The following GABPA variants were observed in gnomAD, a reference collection of about 807,000 sequenced individuals.
GABPA encodes GA binding protein transcription factor subunit alpha, also known as GA-binding protein alpha chain.
Under a neutral mutation model 59.4 loss-of-function variants are expected in GABPA, and 4 were observed. That is an observed-to-expected ratio of 0.07 (90% CI 0.03 to 0.15). The LOEUF is 0.15. Among genes scored for constraint, GABPA ranks in the 10% least tolerant of loss-of-function variants. GABPA has a pLI of 1.00. For synonymous variants in GABPA, 164 were observed against 183.1 expected (o/e 0.90, Z 0.84); for missense variants, 251 against 543.8 (o/e 0.46, Z 5.36).
chr21:25,752,361 C>A, intron 5 of GABPA, 127 bp downstream of exon 5: 1 of 998,862 alleles, frequency 1.0e-6, no homozygotes, highest in Non-Finnish European at 1.5e-6. Context: ...TTTTCTGTAT[C>A]TCTCTTTTAA....
intron 1 of GABPA, among the ~76,000 whole-genome samples, chr21:25,737,568 C>G (rs1173446066): frequency 6.6e-6 from 1 of 151,912 alleles, no homozygotes; most frequent in Non-Finnish European, 1.5e-5. Context: ...TTTGAAAGAT[C>G]ATAGGATAAA....
Position 25,736,203 on chromosome 21 carries a change from C to T in GABPA, c.-27+625C>T, listed in dbSNP as rs546909705. ...TGTGCGTGTTTGGATTTAGGGACCC[C>T]AGTTTGATCAGGTTAGCGGACCGAG... On this transcript the variant is annotated intron_variant, in intron 1 of 9. Transcript: ENST00000400075. Among the ~76,000 whole-genome samples the T allele has an allele frequency of 4.3e-4, 65 of 152,220 alleles. No individual in the cohort carries two copies. In the South Asian group the frequency reaches 9.8e-3, roughly 23 times the overall value.
At position 25,741,626 on chromosome 21, in the gene GABPA, A is replaced by G; in HGVS notation, c.28A>G (p.Ile10Val). 6.2e-7 allele frequency: 1 copy of G among 1,612,798 alleles called. No homozygotes were observed. Reference sequence around the variant, plus strand: ...GACTAAAAGAGAAGCAGAGGAGCTGATAGAAATTGAGATTGATGGAACAGA... The same window carrying G: ...GACTAAAAGAGAAGCAGAGGAGCTGGTAGAAATTGAGATTGATGGAACAGA... MTKREAEEL[I>V]EIEIDGTEKA... is the part of the protein sequence containing the mutation. Residue 10 changes from isoleucine (I) to valine (V), a missense_variant, in exon 2 of 10, where the codon ATA becomes GTA. Ile to Val is a conservative substitution (Grantham distance 29, BLOSUM62 3). Around this residue, in one of 4 missense-constraint regions of GABPA, gnomAD observed 207 missense variants for 366.7 expected, o/e 0.56. Transcript: ENST00000400075.
intron 6 of GABPA, among the ~76,000 whole-genome samples, chr21:25,759,430 G>T (rs1454690553): frequency 6.6e-6 from 1 of 152,120 alleles, no homozygotes; most frequent in Admixed American, 6.5e-5. Flanking sequence ...CTCTGGCCAG[G>T]TGCAGTGGCT....
intron 2 of GABPA, among the ~76,000 whole-genome samples, chr21:25,743,168 G>A (rs116359446): frequency 1.5e-3 from 226 of 152,274 alleles, no homozygotes; most frequent in African/African-American, 5.3e-3. Context: ...CTCTAGGGCT[G>A]CTCATGGGAT....
At chr21:25,753,971 T>A (rs567485883) in intron 5 of GABPA, among the ~76,000 whole-genome samples, 52 of 152,154 alleles carry the variant, frequency 3.4e-4, no homozygotes, top group Non-Finnish European at 5.9e-4. Context: ...TGAGAGAGCT[T>A]ACCCATGGAA....
At chr21:25,758,355 C>A in intron 6 of GABPA, 151 bp downstream of exon 6, 1 of 550,220 alleles carries the variant, frequency 1.8e-6, no homozygotes, top group Non-Finnish European at 3.1e-6. Context: ...ATGCTGAAAG[C>A]TCTATATGTT....
At chr21:25,762,508 A>C (rs2035789125) in intron 7 of GABPA, 143 bp downstream of exon 7, 2 of 567,956 alleles carry the variant, frequency 3.5e-6, no homozygotes, top group Non-Finnish European at 6.2e-6. Flanking sequence ...AAAGCTCGAC[A>C]CAAGTACTTT....
chr21:25,744,986 A>G (rs1217353023), intron 2 of GABPA, among the ~76,000 whole-genome samples: 1 of 152,210 alleles, frequency 6.6e-6, no homozygotes, highest in Non-Finnish European at 1.5e-5. Context: ...AATGAGGCAT[A>G]TTTACAAGGA....
intron 1 of GABPA, among the ~76,000 whole-genome samples, chr21:25,739,918 C>T (rs1441047182): frequency 6.6e-6 from 1 of 152,168 alleles, no homozygotes; most frequent in Non-Finnish European, 1.5e-5. Flanking sequence ...GTATCTGGCC[C>T]TAGCTGCGTT....
chr21:25,735,047 C>T lies in GABPA; in HGVS notation c.-558C>T. The T allele has an allele frequency of 7.4e-7, 1 of 1,347,650 alleles. No homozygotes were observed. The highest frequency in any genetic ancestry group is 1.2e-5 in the South Asian group (1 of 80,356). 83.5% of individuals were successfully genotyped at this position (1,347,650 alleles called of 1,614,324 possible). A position where few individuals can be genotyped will look rare whatever the true frequency, so the allele number is the denominator to read the frequency against. On this transcript the variant is annotated 5_prime_UTR_variant, in exon 1 of 10. Transcript: ENST00000400075. The stretch of plus-strand genomic sequence containing the variant: ...CGGACGGGTCTAGGTGAGACAGAAG[C>T]CAAACAGGAGGAGGAAGTGGAGGGT...
In GABPA at chr21:25,771,570, G is replaced by A. The variant is rs1285274414; in HGVS notation, c.*2338G>A. 6.6e-6 allele frequency: 1 copy of A among 151,704 alleles called. No individual in the cohort carries two copies. Among genetic ancestry groups the A allele is most frequent in the Non-Finnish European group, 1.5e-5 (1 of 67,786 alleles). The allele number at this position is 151,704 out of a possible 1,614,324, so 9.4% of individuals were successfully genotyped here. On this transcript the variant is annotated 3_prime_UTR_variant, in exon 10 of 10. Coordinates refer to ENST00000400075, the MANE Select transcript of GABPA (RefSeq NM_002040.4). ...AAATATTTGTTTTACTTAGGTTACA[G>A]TTATCAGAAAGGTAGTTTTTTTCTT...
chr21:25,762,225 A>G (rs1436155382), intron 6 of GABPA, 87 bp from the exon 7 acceptor site: 11 of 675,398 alleles, frequency 1.6e-5, no homozygotes, highest in Middle Eastern at 3.0e-4. Context: ...TTTTAAAAGA[A>G]CCATGTTTAT....
intron 3 of GABPA, among the ~76,000 whole-genome samples, chr21:25,746,669 G>A (rs1008806394): frequency 1.3e-4 from 20 of 151,100 alleles, no homozygotes; most frequent in African/African-American, 4.8e-4. Flanking sequence ...GTCTAGTAGT[G>A]TTACAAATTT....
chr21:25,738,508 A>G (rs959337528), intron 1 of GABPA, among the ~76,000 whole-genome samples: 10 of 152,176 alleles, frequency 6.6e-5, no homozygotes, highest in African/African-American at 1.7e-4. Context: ...TTATGTAATC[A>G]GATTTTTCTC....
chr21:25,741,464 C>G (rs1483094797), intron 1 of GABPA, 109 bp from the exon 2 acceptor site: 5 of 468,122 alleles, frequency 1.1e-5, no homozygotes, highest in Admixed American at 4.2e-5. Context: ...GACTACTTCC[C>G]CCTCTTCTGC....
intron 5 of GABPA, among the ~76,000 whole-genome samples, chr21:25,754,062 C>T (rs966349629): frequency 6.6e-6 from 1 of 152,276 alleles, no homozygotes; most frequent in East Asian, 1.9e-4. Context: ...AGCCACTAAT[C>T]ACACGTCAGC....
At chr21:25,736,696 TA>T (rs1017284091) in intron 1 of GABPA, among the ~76,000 whole-genome samples, 1 of 152,170 alleles carries the variant, frequency 6.6e-6, no homozygotes, top group African/African-American at 2.4e-5. Flanking sequence ...TCTTTATATA[TA>T]AAACTCCAAA....
At chr21:25,738,523 C>G (rs939006835) in intron 1 of GABPA, among the ~76,000 whole-genome samples, 1 of 152,100 alleles carries the variant, frequency 6.6e-6, no homozygotes, top group Non-Finnish European at 1.5e-5. Flanking sequence ...TTTCTCCTTA[C>G]GGTTATGTTC....
Sources: allele counts gnomAD v4.1 joint callset (sites outside exome capture counted in the v4.1 genomes callset), GRCh38; gene constraint gnomAD v4.1.1; regional missense constraint gnomAD v4.1.1; transcripts MANE v1.5; gene names NCBI Gene and HGNC (gene_info 2026-07-23, HGNC 2026-07-21).